Variants in MOK observed in about 807,000 individuals in gnomAD.
MOK encodes MOK protein kinase.
Under a neutral mutation model 54.2 loss-of-function variants are expected in MOK, and 59 were observed. That is an observed-to-expected ratio of 1.09 (90% CI 0.88 to 1.35). The LOEUF (loss-of-function observed/expected upper bound fraction) is 1.35, where lower values mean the gene tolerates loss of function less well. Among genes scored for constraint, MOK ranks in the 40% most tolerant of loss-of-function variants. The pLI is 0.00. For synonymous variants in MOK, 210 were observed against 202.7 expected (o/e 1.04, Z -0.31); for missense variants, 517 against 526.2 (o/e 0.98, Z 0.17).
At chr14:102,225,893 T>A (rs2064221775), downstream of MOK, 5 of 186,964 alleles carry the variant, frequency 2.7e-5, no homozygotes, top group South Asian at 5.1e-4. Context: ...CTGGTACGAT[T>A]TGGGTTTGCT....
intron 7 of MOK, among the ~76,000 whole-genome samples, chr14:102,244,752 T>C (rs1439113834): frequency 6.6e-6 from 1 of 152,094 alleles, no homozygotes; most frequent in Non-Finnish European, 1.5e-5. Flanking sequence ...CAGACATAAT[T>C]CCTCGGTTTG....
chr14:102,218,146 C>A, the MOK span, among the ~76,000 whole-genome samples: 5 of 152,248 alleles, frequency 3.3e-5, no homozygotes, highest in Non-Finnish European at 7.3e-5. Context: ...GCGTGCCTGC[C>A]ATGAAACGGG....
chr14:102,304,370 G>A (rs926288381), intron 1 of MOK, among the ~76,000 whole-genome samples: 2 of 152,126 alleles, frequency 1.3e-5, no homozygotes, highest in African/African-American at 4.8e-5. Context: ...ACATTTTCTA[G>A]AATGACTACC....
chr14:102,266,009 A>C (rs545851745), intron 2 of MOK, 97 bp from the exon 3 acceptor site: 53 of 879,662 alleles, frequency 6.0e-5, no homozygotes, highest in Non-Finnish European at 9.2e-5. Flanking sequence ...TAAAACTCAC[A>C]AATATTTCAA....
downstream of MOK, chr14:102,226,455 G>T: frequency 1.4e-6 from 1 of 702,458 alleles, no homozygotes. This position sits in a 1 kb window ranked among gnomAD's most constrained non-coding sequence, Gnocchi z 4.8. Flanking sequence ...CAGAAGAATG[G>T]AAATAATCCG....
intron 2 of MOK, among the ~76,000 whole-genome samples, chr14:102,270,973 C>A (rs2068305525): frequency 6.6e-6 from 1 of 152,148 alleles, no homozygotes; most frequent in South Asian, 2.1e-4. Flanking sequence ...GGGTGGATAA[C>A]CTGAGGTCAG....
chr14:102,303,096 G>A lies in MOK; in HGVS notation c.7+1866C>T, dbSNP rs546685513. Among the ~76,000 whole-genome samples the A allele has an allele frequency of 7.2e-5, 11 of 151,942 alleles. No individual in the cohort carries two copies. In the East Asian group the frequency reaches 1.9e-3, roughly 27 times the overall value. On this transcript the variant is annotated intron_variant, in intron 1 of 11. Transcript: ENST00000361847. Reference sequence around the variant, plus strand: ...GAATCACTTGAACCCGGGAGGCAGAGGTTGCAGTGAGCCAAGATTGCACCA... The same window carrying A: ...GAATCACTTGAACCCGGGAGGCAGAAGTTGCAGTGAGCCAAGATTGCACCA...
chr14:102,247,705 C>T (rs570424070), intron 7 of MOK, among the ~76,000 whole-genome samples: 1 of 152,304 alleles, frequency 6.6e-6, no homozygotes, highest in Admixed American at 6.5e-5. Flanking sequence ...CGTAGACCGA[C>T]TCACAGCCAA....
intron 2 of MOK, among the ~76,000 whole-genome samples, chr14:102,281,892 G>A (rs2069481463): frequency 6.6e-6 from 1 of 152,208 alleles, no homozygotes; most frequent in Non-Finnish European, 1.5e-5. Flanking sequence ...AGAAGAGAAG[G>A]AGCAGAACAC....
chr14:102,292,462 G>GGTT (rs1345037778), intron 1 of MOK, among the ~76,000 whole-genome samples: 6 of 151,966 alleles, frequency 3.9e-5, no homozygotes, highest in Admixed American at 3.9e-4. Flanking sequence ...AACAGAGCAA[G>GGTT]ACTCCATCTC....
chr14:102,303,021 C>T (rs951566548), intron 1 of MOK, among the ~76,000 whole-genome samples: 3 of 151,608 alleles, frequency 2.0e-5, no homozygotes, highest in Admixed American at 6.6e-5. Flanking sequence ...GTTAGCTGGG[C>T]GTGGTGGTGC....
chr14:102,288,376 C>A (rs2070380702), intron 1 of MOK, among the ~76,000 whole-genome samples: 1 of 152,184 alleles, frequency 6.6e-6, no homozygotes, highest in African/African-American at 2.4e-5. Flanking sequence ...AGTACTGATA[C>A]ATGCTACAGC....
intron 4 of MOK, among the ~76,000 whole-genome samples, chr14:102,255,783 T>C (rs978181591): frequency 9.2e-5 from 14 of 152,214 alleles, no homozygotes; most frequent in Non-Finnish European, 2.1e-4. Flanking sequence ...AGAAGTTTCT[T>C]ATATGCCCCT....
At chr14:102,237,005 TGCTAC>T (rs1486739415) in intron 7 of MOK, among the ~76,000 whole-genome samples, 1 of 152,148 alleles carries the variant, frequency 6.6e-6, no homozygotes, top group Non-Finnish European at 1.5e-5. Context: ...CAACACCACC[TGCTAC>T]ACTGCTATTG....
In MOK at chr14:102,231,903, T is replaced by C. The variant is rs974492535; in HGVS notation, c.867-82A>G. 1.1e-4 allele frequency: 126 copies of C among 1,161,968 alleles called. 2 individuals are homozygous for C. The South Asian group carries it at 1.7e-3, about 16-fold the overall frequency. 72.0% of individuals were successfully genotyped at this position (1,161,968 alleles called of 1,614,324 possible). On this transcript the variant is annotated intron_variant, in intron 9 of 11. Coordinates refer to ENST00000361847, the MANE Select transcript of MOK (RefSeq NM_014226.3). The surrounding 1 kb of genome is among the most constrained non-coding windows in gnomAD (Gnocchi z 4.4). ...GCCTACTGGCTTCTTTGTCTCCAAT[T>C]TGTCTACTGTGTGAGTTGTCACTAG...
downstream of MOK, among the ~76,000 whole-genome samples, chr14:102,224,036 G>GTTTT (rs1184725386): frequency 2.9e-5 from 4 of 139,440 alleles, 1 homozygote; most frequent in African/African-American, 8.1e-5. Flanking sequence ...GTTTACCTGA[G>GTTTT]ATTTTTTTTT....
the MOK span, chr14:102,214,930 A>T: frequency 2.0e-6 from 2 of 985,000 alleles, no homozygotes; most frequent in Non-Finnish European, 2.4e-6. Flanking sequence ...CTTACTACAT[A>T]CTTGATATTC....
At chr14:102,234,824 T>C (rs2065066664) in intron 7 of MOK, 1 of 152,120 alleles carries the variant, frequency 6.6e-6, no homozygotes, top group Non-Finnish European at 1.5e-5. Flanking sequence ...CTTAGACAAC[T>C]TTTGCCACCG....
At chr14:102,278,095 A>AGGGC (rs1430984148) in intron 2 of MOK, among the ~76,000 whole-genome samples, 2 of 152,140 alleles carry the variant, frequency 1.3e-5, no homozygotes, top group Non-Finnish European at 2.9e-5. Context: ...AAGCAAGAAG[A>AGGGC]GGGCCACCTG....
Sources: allele counts gnomAD v4.1 joint callset (sites outside exome capture counted in the v4.1 genomes callset), GRCh38; gene constraint gnomAD v4.1.1; non-coding constraint Gnocchi (gnomAD v3.1); transcripts MANE v1.5; gene names NCBI Gene and HGNC (gene_info 2026-07-23, HGNC 2026-07-21).